The following AP2B1 variants were observed in gnomAD, a reference collection of about 807,000 sequenced individuals.
AP2B1 encodes AP-2 complex subunit beta.
Under a neutral mutation model 102.0 loss-of-function variants are expected in AP2B1, and 23 were observed. The ratio of observed to expected loss-of-function variants is 0.23; its 90% CI spans 0.16 to 0.32. AP2B1 has a LOEUF of 0.32. AP2B1 is among the 10% of genes least tolerant of loss of function. AP2B1 has a pLI of 1.00. For synonymous variants in AP2B1, 381 were observed against 421.2 expected (o/e 0.90, Z 1.17); for missense variants, 541 against 1,157.4 (o/e 0.47, Z 7.73).
intron 20 of AP2B1, among the ~76,000 whole-genome samples, chr17:35,711,555 G>A (rs1178184270): frequency 6.6e-6 from 1 of 151,534 alleles, no homozygotes; most frequent in Admixed American, 6.6e-5. Flanking sequence ...TGCAAGCTCC[G>A]CCTCCCGGGT....
intron 18 of AP2B1, among the ~76,000 whole-genome samples, chr17:35,703,181 C>T (rs1026406392): frequency 6.9e-6 from 1 of 144,752 alleles, no homozygotes; most frequent in African/African-American, 2.6e-5. Context: ...AGGAGAATGG[C>T]GTGAACCTGG....
At chr17:35,626,584 A>G (rs757703038) in intron 6 of AP2B1, 37 bp from the exon 7 acceptor site, 1 of 1,471,650 alleles carries the variant, frequency 6.8e-7, no homozygotes, top group South Asian at 1.2e-5. Context: ...CAAATAAATT[A>G]TAATTCATGA....
Position 35,624,570 on chromosome 17 carries a change from T to C in AP2B1, c.699T>C (p.Asp233=). 6.2e-7 allele frequency: 1 copy of C among 1,611,916 alleles called. No individual in the cohort carries two copies. The highest frequency in any genetic ancestry group is 8.5e-7 in the Non-Finnish European group (1 of 1,178,846). The change falls in exon 6 of 22, where the codon GAT becomes GAC. Residue 233 remains aspartate (D), a synonymous_variant. Transcript: ENST00000610402. ...GCCTGTCTAATTACAACCCTAAAGATGATCGGGAGGCTCAGAGGTCAGTCT... is the reference window on the plus strand; with the variant it reads ...GCCTGTCTAATTACAACCCTAAAGACGATCGGGAGGCTCAGAGGTCAGTCT... The part of the protein sequence containing the change: ...LDCLSNYNPK[D]DREAQSICER...
In AP2B1 at chr17:35,674,384, A is replaced by T. The variant is rs575094314; in HGVS notation, c.2324+63A>T. On this transcript the variant is annotated intron_variant, in intron 17 of 21. Transcript: ENST00000610402. ...CAGTTTGCCTTAGAACCAACAAGAGAACATTCCATTTAGCACTGGTTAAAA... is the reference window on the plus strand; with the variant it reads ...CAGTTTGCCTTAGAACCAACAAGAGTACATTCCATTTAGCACTGGTTAAAA... 2.5e-6 allele frequency: 4 copies of T among 1,584,072 alleles called. No homozygotes were observed. The South Asian group carries it at 3.4e-5, about 13-fold the overall frequency.
In AP2B1 at chr17:35,720,766, A is replaced by G. The variant is rs587673471; in HGVS notation, c.2782-2859A>G. On this transcript the variant is annotated intron_variant, in intron 21 of 21. Coordinates refer to ENST00000610402, the MANE Select transcript of AP2B1 (RefSeq NM_001030006.2). ...ATTTTTAAATGGTGAATTTGTTTAT[A>G]CTTCCTTGCCCTCTTTCCTATTCTT... 1.5e-4 allele frequency among the ~76,000 whole-genome samples: 23 copies of G among 149,692 alleles called. No homozygotes were observed. In the South Asian group the frequency reaches 4.4e-3, roughly 29 times the overall value.
At chr17:35,589,635 C>G (rs896496188) in intron 1 of AP2B1, among the ~76,000 whole-genome samples, 1 of 152,206 alleles carries the variant, frequency 6.6e-6, no homozygotes, top group Non-Finnish European at 1.5e-5. Context: ...ACATCACACT[C>G]TGGTCGAGGG....
At chr17:35,660,113 C>A in intron 14 of AP2B1, 1 of 973,264 alleles carries the variant, frequency 1.0e-6, no homozygotes, top group Non-Finnish European at 1.2e-6. Flanking sequence ...TACCTTGAAT[C>A]TCCTAAAGAT....
intron 9 of AP2B1, among the ~76,000 whole-genome samples, chr17:35,634,157 A>G (rs1438551396): frequency 6.6e-6 from 1 of 152,154 alleles, no homozygotes. Context: ...AGGTCTGCAC[A>G]TTGCATTTGA....
intron 9 of AP2B1, among the ~76,000 whole-genome samples, chr17:35,631,582 T>C (rs1203370402): frequency 6.6e-6 from 1 of 152,148 alleles, no homozygotes; most frequent in Non-Finnish European, 1.5e-5. Flanking sequence ...TTCTTACTAG[T>C]AATATCATGG....
At chr17:35,704,383 A>G (rs1201238201) in intron 18 of AP2B1, among the ~76,000 whole-genome samples, 2 of 152,148 alleles carry the variant, frequency 1.3e-5, no homozygotes, top group Non-Finnish European at 2.9e-5. Context: ...GATGTTGCTG[A>G]TGGGATTCTG....
At chr17:35,688,384 G>A (rs12453723) in intron 18 of AP2B1, among the ~76,000 whole-genome samples, 2 of 152,048 alleles carry the variant, frequency 1.3e-5, no homozygotes, top group African/African-American at 4.8e-5. Context: ...TTTTTTCTCA[G>A]TGAAAGCTTG....
intron 3 of AP2B1, among the ~76,000 whole-genome samples, chr17:35,605,223 CTTTTCTCTTTTCTTTTCT>C (rs1395789305): frequency 2.7e-5 from 4 of 150,832 alleles, no homozygotes; most frequent in African/African-American, 4.9e-5. Flanking sequence ...CTTTTCTTTT[CTTTTCTCTTTTCTTTTCT>C]TTTTTTTTTT....
At chr17:35,593,907 A>C (rs1197646760) in intron 1 of AP2B1, 101 bp from the exon 2 acceptor site, 2 of 571,440 alleles carry the variant, frequency 3.5e-6, no homozygotes, top group East Asian at 3.3e-5. Context: ...AAATTCTTAA[A>C]TATAAGTGTT....
At chr17:35,639,097 A>C (rs1042396873) in intron 10 of AP2B1, among the ~76,000 whole-genome samples, 1 of 152,180 alleles carries the variant, frequency 6.6e-6, no homozygotes, top group African/African-American at 2.4e-5. Flanking sequence ...TGGGAGACCA[A>C]GGTGAGAGGA....
At chr17:35,637,791 TCTC>T (rs2074652117) in intron 10 of AP2B1, among the ~76,000 whole-genome samples, 2 of 151,548 alleles carry the variant, frequency 1.3e-5, no homozygotes, top group East Asian at 3.9e-4. Context: ...GTTCAAACAT[TCTC>T]CTGCCTCAAT....
intron 18 of AP2B1, 114 bp from the exon 19 acceptor site, chr17:35,709,110 A>G: frequency 1.2e-6 from 1 of 852,062 alleles, no homozygotes; most frequent in Non-Finnish European, 2.0e-6. Flanking sequence ...GGAGACCTGC[A>G]CTGAGAGAAA....
At chr17:35,599,369 C>G (rs955575817) in intron 3 of AP2B1, among the ~76,000 whole-genome samples, 58 of 152,150 alleles carry the variant, frequency 3.8e-4, no homozygotes, top group African/African-American at 1.4e-3. Context: ...ACAATGGATA[C>G]GTTTCAGGTT....
chr17:35,633,256 A>C (rs1286511440), intron 9 of AP2B1, among the ~76,000 whole-genome samples: 1 of 151,526 alleles, frequency 6.6e-6, no homozygotes, highest in Non-Finnish European at 1.5e-5. Context: ...GCTACTCAGG[A>C]GGCTGAGGCA....
At chr17:35,718,025 T>G (rs1283916062) in intron 21 of AP2B1, among the ~76,000 whole-genome samples, 1 of 152,226 alleles carries the variant, frequency 6.6e-6, no homozygotes, top group Non-Finnish European at 1.5e-5. Context: ...GGATGTCATC[T>G]GCATTTTGAA....
Sources: gnomAD v4.1 joint callset for allele counts (sites outside exome capture counted in the v4.1 genomes callset) on GRCh38, gnomAD v4.1.1 for gene constraint, MANE v1.5 for transcripts, NCBI Gene and HGNC (gene_info 2026-07-23, HGNC 2026-07-21) for gene names.